PCDH17: variants seen among roughly 807,000 people sequenced by gnomAD.
PCDH17 encodes the protein protocadherin 17.
PCDH17 carries 21 observed loss-of-function variants against 67.7 expected under a neutral mutation model. The observed-to-expected ratio is 0.31, with a 90% CI of 0.22 to 0.45. PCDH17 has a LOEUF of 0.45. Ranked by LOEUF, PCDH17 falls within the 20% of genes least tolerant of loss-of-function variation. The probability of loss-of-function intolerance (pLI) is 1.00; values close to 1 mark genes in which losing one functional copy is unlikely to be tolerated. For missense variants in PCDH17, 1,471 were observed against 1,564.8 expected (o/e 0.94, Z 1.01); for synonymous variants, 701 against 656.7 (o/e 1.07, Z -1.03).
chr13:57,680,117 C>T (rs1180498636), intron 3 of PCDH17, among the ~76,000 whole-genome samples: 2 of 149,838 alleles, frequency 1.3e-5, no homozygotes, highest in Non-Finnish European at 3.0e-5. Context: ...TCTGTAATTC[C>T]ATTAGGTAAA....
intron 3 of PCDH17, among the ~76,000 whole-genome samples, chr13:57,690,810 C>T (rs1402924240): frequency 2.7e-5 from 4 of 150,920 alleles, no homozygotes; most frequent in East Asian, 1.9e-4. Context: ...TATCTCGTGC[C>T]GAGTATTGTT....
intron 3 of PCDH17, among the ~76,000 whole-genome samples, chr13:57,714,536 T>A (rs780128303): frequency 1.3e-5 from 2 of 151,656 alleles, no homozygotes; most frequent in Admixed American, 6.6e-5. Context: ...GAAAACATCC[T>A]CTCCAAAGAT....
intron 2 of PCDH17, 65 bp downstream of exon 2, chr13:57,666,591 A>G: frequency 6.8e-6 from 11 of 1,607,094 alleles, no homozygotes; most frequent in Non-Finnish European, 9.4e-6. Flanking sequence ...TTGCTTTGCA[A>G]GAGACTACAC....
At chr13:57,714,990 A>G (rs921488660) in intron 3 of PCDH17, among the ~76,000 whole-genome samples, 1 of 151,834 alleles carries the variant, frequency 6.6e-6, no homozygotes, top group Non-Finnish European at 1.5e-5. Flanking sequence ...CTTTGATTTC[A>G]ATAACAGTGT....
intron 1 of PCDH17, among the ~76,000 whole-genome samples, chr13:57,660,542 T>G (rs1219216378): frequency 6.6e-6 from 1 of 152,230 alleles, no homozygotes; most frequent in Non-Finnish European, 1.5e-5. Context: ...CATTTGCTTT[T>G]AAAATTAATT....
chr13:57,689,040 G>A (rs1434177415), intron 3 of PCDH17, among the ~76,000 whole-genome samples: 1 of 151,942 alleles, frequency 6.6e-6, no homozygotes, highest in Non-Finnish European at 1.5e-5. Context: ...AAATTTATTA[G>A]CGAAGAAATT....
intron 3 of PCDH17, among the ~76,000 whole-genome samples, chr13:57,691,426 T>A (rs561104057): frequency 6.6e-6 from 1 of 151,216 alleles, no homozygotes; most frequent in Non-Finnish European, 1.5e-5. Context: ...AATAGATAAT[T>A]TTTTTTAAAT....
chr13:57,662,693 T>C (rs548820508), intron 1 of PCDH17, among the ~76,000 whole-genome samples: 1 of 152,306 alleles, frequency 6.6e-6, no homozygotes, highest in Admixed American at 6.5e-5. Context: ...GACATCAAGT[T>C]GTAGAAGATT....
chr13:57,693,345 T>TATATATATATATATA (rs1955578085), intron 3 of PCDH17, among the ~76,000 whole-genome samples: 3 of 137,856 alleles, frequency 2.2e-5, no homozygotes, highest in Admixed American at 7.4e-5. Flanking sequence ...TATATATATA[T>TATATATATATATATA]CAAGGAGTTA....
In PCDH17 at chr13:57,728,347, A is replaced by G. The variant is rs1955929604; in HGVS notation, c.*3053A>G. 1 of 152,166 alleles carries G rather than the reference A, an allele frequency of 6.6e-6. No homozygotes were observed. The highest frequency in any genetic ancestry group is 1.5e-5 in the Non-Finnish European group (1 of 67,970). The allele number at this position is 152,166 out of a possible 1,614,324, so 9.4% of individuals were successfully genotyped here. On this transcript the variant is annotated 3_prime_UTR_variant, in exon 4 of 4. Coordinates refer to ENST00000377918, the MANE Select transcript of PCDH17 (RefSeq NM_001040429.3). ...GAATGTGAAAAAAATATCAATTCAT[A>G]TCTTTCAAGTACTAACCCCTCAAAA...
chr13:57,634,292 G>T lies in PCDH17; in HGVS notation c.1746G>T (p.Val582=). 6.2e-7 allele frequency: 1 copy of T among 1,613,146 alleles called. No individual in the cohort carries two copies. Among genetic ancestry groups the T allele is most frequent in the South Asian group, 1.1e-5 (1 of 91,078 alleles). The part of the protein sequence containing the change: ...TVLDVNDNAP[V]IVLPTLQNDT... The stretch of plus-strand genomic sequence containing the variant: ...TAGACGTGAATGACAACGCGCCAGT[G>T]ATCGTGCTCCCCACGCTGCAGAACG... The change falls in exon 1 of 4, where the codon GTG becomes GTT. Residue 582 remains valine (V), a synonymous_variant. Coordinates refer to ENST00000377918, the MANE Select transcript of PCDH17 (RefSeq NM_001040429.3). The surrounding 1 kb of genome is among the most constrained non-coding windows in gnomAD (Gnocchi z 7.8).
intron 3 of PCDH17, among the ~76,000 whole-genome samples, chr13:57,715,379 G>A (rs1478060132): frequency 6.6e-6 from 1 of 151,906 alleles, no homozygotes; most frequent in African/African-American, 2.4e-5. Flanking sequence ...TAAAGCGTCT[G>A]TTCAAATTCA....
In PCDH17 at chr13:57,671,730, C is replaced by A. The variant is rs544125279; in HGVS notation, c.2797+4897C>A. On this transcript the variant is annotated intron_variant, in intron 3 of 3. Coordinates refer to ENST00000377918, the MANE Select transcript of PCDH17 (RefSeq NM_001040429.3). ...GGCTAAGTGATAGTTCCCAATTTTC[C>A]AAGGATTATCAGCTTTCTGCTATCT... 1.3e-3 allele frequency among the ~76,000 whole-genome samples: 191 copies of A among 152,144 alleles called. 1 individual carries two copies. Among genetic ancestry groups the A allele is most frequent in the Admixed American group, 2.1e-3 (32 of 15,264 alleles).
rs1428085345 is a variant in PCDH17, at chr13:57,724,701, C to T, written c.2887C>T (p.Gln963Ter). Residue 963 changes from glutamine (Q) to a stop codon, truncating the protein, a stop_gained, in exon 4 of 4, where the codon CAG becomes TAG. Transcript: ENST00000377918. LOFTEE classifies it high-confidence loss of function. ...GATGCCACAGTTCCCTGCAGCCAATCAGGCTGAAAATGCAGATTACCGCAC... is the reference window on the plus strand; with the variant it reads ...GATGCCACAGTTCCCTGCAGCCAATTAGGCTGAAAATGCAGATTACCGCAC... ...CWMPQFPAAN[Q>*]AENADYRTNL... is the part of the protein sequence containing the mutation. 6.2e-7 allele frequency: 1 copy of T among 1,613,862 alleles called. No individual in the cohort carries two copies. Among genetic ancestry groups the T allele is most frequent in the Admixed American group, 1.7e-5 (1 of 60,012 alleles).
Position 57,633,612 on chromosome 13 carries a change from G to T in PCDH17, c.1066G>T (p.Val356Leu). 6.2e-7 allele frequency: 1 copy of T among 1,611,812 alleles called. No homozygotes were observed. Among genetic ancestry groups the T allele is most frequent in the Non-Finnish European group, 8.5e-7 (1 of 1,180,030 alleles). ...TGCGCCGTCCATCGGTTTCGTCTCCGTGCGCCAGGGGGCGCTGAGCGAGGC... is the reference window on the plus strand; with the variant it reads ...TGCGCCGTCCATCGGTTTCGTCTCCTTGCGCCAGGGGGCGCTGAGCGAGGC... ...DNAPSIGFVSVRQGALSEAAP... is the reference protein window; with the variant it reads ...DNAPSIGFVSLRQGALSEAAP... The change falls in exon 1 of 4, where the codon GTG becomes TTG. Residue 356 changes from valine (V) to leucine (L), a missense_variant. Around this residue, in one of 3 missense-constraint regions of PCDH17, gnomAD observed 1,163 missense variants for 1,230.0 expected, o/e 0.95. Coordinates refer to ENST00000377918, the MANE Select transcript of PCDH17 (RefSeq NM_001040429.3). This position sits in a 1 kb window ranked among gnomAD's most constrained non-coding sequence, Gnocchi z 6.2.
chr13:57,711,265 G>A (rs1566244876), intron 3 of PCDH17, among the ~76,000 whole-genome samples: 1 of 151,802 alleles, frequency 6.6e-6, no homozygotes, highest in Non-Finnish European at 1.5e-5. Context: ...GTGCATACAT[G>A]CACAGGCACA....
At chr13:57,679,217 T>G (rs1955424221) in intron 3 of PCDH17, among the ~76,000 whole-genome samples, 1 of 151,494 alleles carries the variant, frequency 6.6e-6, no homozygotes, top group African/African-American at 2.4e-5. Context: ...TTTTCCTTTT[T>G]AAAATTCTTG....
At chr13:57,643,180 T>A (rs78570718) in intron 1 of PCDH17, among the ~76,000 whole-genome samples, 1 of 151,554 alleles carries the variant, frequency 6.6e-6, no homozygotes. Context: ...ATGAAAAGAA[T>A]TACCTAACCA....
intron 3 of PCDH17, among the ~76,000 whole-genome samples, chr13:57,703,262 T>C (rs1228786051): frequency 6.6e-6 from 1 of 152,158 alleles, no homozygotes; most frequent in Non-Finnish European, 1.5e-5. Flanking sequence ...AGATATGAAC[T>C]GCTTGGCATT....
Sources: allele counts gnomAD v4.1 joint callset (sites outside exome capture counted in the v4.1 genomes callset), GRCh38; gene constraint gnomAD v4.1.1; regional missense constraint gnomAD v4.1.1; non-coding constraint Gnocchi (gnomAD v3.1); transcripts MANE v1.5; gene names NCBI Gene and HGNC (gene_info 2026-07-23, HGNC 2026-07-21).